Variants in DNAJB6 observed in about 807,000 individuals in gnomAD.
DNAJB6 encodes the protein DnaJ heat shock protein family (Hsp40) member B6, also known as dnaJ homolog subfamily B member 6.
A neutral mutation model predicts 42.7 loss-of-function variants in DNAJB6; 16 were observed. The observed-to-expected ratio is 0.37, with a 90% CI of 0.25 to 0.57. DNAJB6 has a LOEUF of 0.57. DNAJB6 is among the 20% of genes least tolerant of loss of function. The pLI, the probability that DNAJB6 is intolerant of heterozygous loss-of-function variation, is 0.74. For missense variants in DNAJB6, 347 were observed against 416.8 expected (o/e 0.83, Z 1.46); for synonymous variants, 170 against 163.5 (o/e 1.04, Z -0.30).
chr7:157,379,511 T>A (rs899952028), intron 5 of DNAJB6: 2 of 152,234 alleles, frequency 1.3e-5, no homozygotes, highest in African/African-American at 4.8e-5. Flanking sequence ...ACTGTCACAC[T>A]CTTACCCAGG....
chr7:157,411,465 T>C (rs1795974763), intron 9 of DNAJB6: 2 of 151,644 alleles, frequency 1.3e-5, no homozygotes, highest in African/African-American at 2.4e-5. Flanking sequence ...TGAGCGGGCG[T>C]TGGGGAGGCT....
chr7:157,389,082 C>T (rs1160606331), intron 8 of DNAJB6, among the ~76,000 whole-genome samples: 2 of 152,196 alleles, frequency 1.3e-5, no homozygotes, highest in African/African-American at 4.8e-5. Context: ...CTTACCTGTG[C>T]ACCTAGTGTG....
At chr7:157,364,441 T>C (rs1197685071) in intron 3 of DNAJB6, among the ~76,000 whole-genome samples, 1 of 152,232 alleles carries the variant, frequency 6.6e-6, no homozygotes, top group African/African-American at 2.4e-5. Flanking sequence ...AGCTTATTCA[T>C]TGGAAAGTTT....
intron 9 of DNAJB6, chr7:157,413,899 T>C (rs1177765570): frequency 1.3e-5 from 2 of 152,046 alleles, no homozygotes; most frequent in Non-Finnish European, 2.9e-5. Flanking sequence ...TTTTTGTATT[T>C]TTAGTAGAGA....
rs116630040 is a variant in DNAJB6, at chr7:157,416,170, C to A, written c.*72C>A. 5.1e-6 allele frequency: 8 copies of A among 1,567,960 alleles called. No homozygotes were observed. The highest frequency in any genetic ancestry group is 6.9e-6 in the Non-Finnish European group (8 of 1,155,438). On this transcript the variant is annotated 3_prime_UTR_variant, in exon 10 of 10. Coordinates refer to ENST00000262177, the MANE Select transcript of DNAJB6 (RefSeq NM_058246.4). ...CGTGCTCGGCATGCGGTCGTGCACA[C>A]GCGCTAGGTAGCAGCGTCGGTCAGG...
At chr7:157,405,191 C>G (rs1174031948) in intron 8 of DNAJB6, among the ~76,000 whole-genome samples, 1 of 152,188 alleles carries the variant, frequency 6.6e-6, no homozygotes, top group Admixed American at 6.5e-5. Context: ...CAGGAAAATT[C>G]TGAATCATAC....
Position 157,367,581 on chromosome 7 carries a change from C to T in DNAJB6, c.346+98C>T. ...TGTTGAATTAACATTGTATTTTAGG[C>T]TGGGCGCGGTGGCTCATGCCTGTAA... On this transcript the variant is annotated intron_variant, in intron 5 of 9. Coordinates refer to ENST00000262177, the MANE Select transcript of DNAJB6 (RefSeq NM_058246.4). 10 of 827,908 alleles carry T rather than the reference C, an allele frequency of 1.2e-5. No individual in the cohort carries two copies. The Admixed American group carries it at 1.6e-4, about 13-fold the overall frequency. The allele number at this position is 827,908 out of a possible 1,614,324, so 51.3% of individuals were successfully genotyped here.
At chr7:157,376,417 C>T (rs183699034) in intron 5 of DNAJB6, among the ~76,000 whole-genome samples, 92 of 152,216 alleles carry the variant, frequency 6.0e-4, no homozygotes, top group African/African-American at 2.1e-3. Flanking sequence ...TCTTGCTATA[C>T]GATGCCCAGA....
chr7:157,356,165 T>C (rs542937731), intron 1 of DNAJB6, among the ~76,000 whole-genome samples: 58 of 152,364 alleles, frequency 3.8e-4, no homozygotes, highest in African/African-American at 1.4e-3. Context: ...TCTGCTCTTG[T>C]TCTGTTAGTG....
chr7:157,404,945 T>C (rs1417161528), intron 8 of DNAJB6, among the ~76,000 whole-genome samples: 4 of 152,188 alleles, frequency 2.6e-5, no homozygotes, highest in Admixed American at 6.5e-5. Context: ...GCCTGTGCAG[T>C]GTTTTTAAAA....
chr7:157,342,991 C>CTTTTT (rs796741029), intron 1 of DNAJB6, among the ~76,000 whole-genome samples: 1 of 141,436 alleles, frequency 7.1e-6, no homozygotes, highest in African/African-American at 2.6e-5. Context: ...TTTGTTTTTG[C>CTTTTT]TTTTTTTTTT....
At chr7:157,373,164 C>T (rs1237625978) in intron 5 of DNAJB6, among the ~76,000 whole-genome samples, 3 of 152,176 alleles carry the variant, frequency 2.0e-5, no homozygotes, top group Non-Finnish European at 4.4e-5. Flanking sequence ...GAGCCTGTTC[C>T]CAGTAAGGTC....
At chr7:157,360,471 A>G (rs1361433171) in intron 2 of DNAJB6, among the ~76,000 whole-genome samples, 1 of 152,246 alleles carries the variant, frequency 6.6e-6, no homozygotes, top group Non-Finnish European at 1.5e-5. Flanking sequence ...CAGTGCTTTC[A>G]GTAATGATGG....
chr7:157,368,937 T>C (rs1799976087), intron 5 of DNAJB6: 1 of 242,162 alleles, frequency 4.1e-6, no homozygotes, highest in Non-Finnish European at 8.2e-6. Context: ...ATCACTCTCA[T>C]ATCTGGTAGG....
chr7:157,405,709 T>G (rs139904085), intron 8 of DNAJB6, among the ~76,000 whole-genome samples: 1,530 of 152,214 alleles, frequency 0.01, 7 homozygotes, highest in Non-Finnish European at 0.016. Flanking sequence ...AACCCGAACC[T>G]CAGGGCTGAT....
chr7:157,349,551 C>T lies in DNAJB6; in HGVS notation c.-26-8996C>T, dbSNP rs114010719. Among the ~76,000 whole-genome samples the T allele has an allele frequency of 4.2e-3, 645 of 152,160 alleles. 5 individuals carry two copies. The highest frequency in any genetic ancestry group is 0.015 in the African/African-American group (612 of 41,530). ...AGGTTGGCGTGCAGTGGTAAAATCA[C>T]GGCTCACTGCAGCCTAGACCTCCTG... On this transcript the variant is annotated intron_variant, in intron 1 of 9. Coordinates refer to ENST00000262177, the MANE Select transcript of DNAJB6 (RefSeq NM_058246.4).
rs769302164 is a variant in DNAJB6 at position 157,409,893 on chromosome 7, C to T, written c.790C>T (p.Arg264Trp). The T allele has an allele frequency of 1.9e-5, 29 of 1,533,956 alleles. No individual in the cohort carries two copies. Among genetic ancestry groups the T allele is most frequent in the Non-Finnish European group, 2.4e-5 (27 of 1,145,656 alleles). ...PAGLRPPKPPRPASLLRHAPH... is the reference protein window; with the variant it reads ...PAGLRPPKPPWPASLLRHAPH... ...CGGCCTCCGCCCGCCGAAGCCGCCC[C>T]GGCCTGCCTCGCTGCTGAGACACGC... Residue 264 changes from arginine to tryptophan, a missense_variant, in exon 9 of 10, where the codon CGG (arginine) becomes TGG (tryptophan). Arg to Trp is a moderately radical substitution (Grantham distance 101, BLOSUM62 -3). Around this residue, in one of 3 missense-constraint regions of DNAJB6, gnomAD observed 264 missense variants for 288.0 expected, o/e 0.92. Transcript: ENST00000262177.
chr7:157,360,663 CTT>C (rs1323943262), intron 2 of DNAJB6, among the ~76,000 whole-genome samples: 1 of 152,180 alleles, frequency 6.6e-6, no homozygotes, highest in African/African-American at 2.4e-5. Context: ...TAAATGCTGA[CTT>C]TTAAAAATGA....
At chr7:157,361,745 TATTC>T (rs56963367) in intron 2 of DNAJB6, among the ~76,000 whole-genome samples, 8,160 of 150,962 alleles carry the variant, frequency 0.054, 274 homozygotes, top group African/African-American at 0.09. Context: ...GATTTTTTTG[TATTC>T]ATTCATTCAT....
Sources: gnomAD v4.1 joint callset for allele counts (sites outside exome capture counted in the v4.1 genomes callset) on GRCh38, gnomAD v4.1.1 for gene constraint, gnomAD v4.1.1 regional missense constraint, MANE v1.5 for transcripts, NCBI Gene and HGNC (gene_info 2026-07-23, HGNC 2026-07-21) for gene names.